The following SCAF8 variants were observed in gnomAD, a reference collection of about 807,000 sequenced individuals.
SCAF8 encodes SR-related CTD associated factor 8.
Under a neutral mutation model 140.5 loss-of-function variants are expected in SCAF8, and 23 were observed. That is an observed-to-expected ratio of 0.16 (90% CI 0.12 to 0.23). The LOEUF (loss-of-function observed/expected upper bound fraction) is 0.23, where lower values mean the gene tolerates loss of function less well. Among genes scored for constraint, SCAF8 ranks in the 10% least tolerant of loss-of-function variants. SCAF8 has a pLI of 1.00. For missense variants in SCAF8, 1,397 were observed against 1,555.7 expected (o/e 0.90, Z 1.72); for synonymous variants, 575 against 528.9 (o/e 1.09, Z -1.20).
intron 5 of SCAF8, among the ~76,000 whole-genome samples, chr6:154,793,969 G>A (rs936834619): frequency 4.0e-5 from 6 of 151,564 alleles, no homozygotes; most frequent in African/African-American, 1.2e-4. Context: ...TCACCCAGGC[G>A]GGTGTGCAGT....
intron 2 of SCAF8, among the ~76,000 whole-genome samples, chr6:154,774,844 T>C (rs543510057): frequency 2.5e-4 from 38 of 152,314 alleles, no homozygotes; most frequent in Non-Finnish European, 4.4e-4. Context: ...TAGAAACTTT[T>C]TGGCAAAAGG....
intron 17 of SCAF8, among the ~76,000 whole-genome samples, chr6:154,825,814 T>TA (rs1187927722): frequency 6.6e-6 from 1 of 152,006 alleles, no homozygotes; most frequent in East Asian, 1.9e-4. Flanking sequence ...GCGCACAGCC[T>TA]AAAAGCCCCA....
In SCAF8 at chr6:154,777,103, C is replaced by A. The variant is rs376340365; in HGVS notation, c.115-898C>A. 4.3e-4 allele frequency among the ~76,000 whole-genome samples: 65 copies of A among 152,170 alleles called. 1 individual carries two copies. In the South Asian group the frequency reaches 0.013, roughly 31 times the overall value. On this transcript the variant is annotated intron_variant, in intron 2 of 19. Coordinates refer to ENST00000367178, the MANE Select transcript of SCAF8 (RefSeq NM_014892.5). ...GGCTGAGGCAGGAGAATCGCTTGAA[C>A]CCGGGAGGCGAGGGTTGCAGTGAAC... is the stretch of plus-strand genomic sequence containing the variant.
At chr6:154,777,166 G>C (rs1336338934) in intron 2 of SCAF8, among the ~76,000 whole-genome samples, 1 of 151,930 alleles carries the variant, frequency 6.6e-6, no homozygotes, top group East Asian at 1.9e-4. Flanking sequence ...GGGTGACAGA[G>C]TGAGAGTGTG....
intron 3 of SCAF8, among the ~76,000 whole-genome samples, chr6:154,786,677 A>G (rs1474406620): frequency 4.6e-5 from 7 of 152,342 alleles, no homozygotes; most frequent in African/African-American, 1.7e-4. Context: ...GCTCGCTTTC[A>G]CTGTCATAAC....
intron 1 of SCAF8, among the ~76,000 whole-genome samples, chr6:154,768,682 A>G (rs759120172): frequency 1.3e-5 from 2 of 152,312 alleles, no homozygotes; most frequent in Non-Finnish European, 2.9e-5. Context: ...TGTTTTTTCA[A>G]TATTGCTAGG....
intron 7 of SCAF8, among the ~76,000 whole-genome samples, chr6:154,802,943 G>A (rs918453187): frequency 3.3e-5 from 5 of 152,086 alleles, no homozygotes; most frequent in Non-Finnish European, 7.4e-5. Flanking sequence ...AATCTTTCAT[G>A]TACAATTTAG....
intron 1 of SCAF8, among the ~76,000 whole-genome samples, chr6:154,748,441 A>G (rs535481706): frequency 1.3e-5 from 2 of 152,352 alleles, no homozygotes; most frequent in African/African-American, 4.8e-5. Context: ...TAAAAGCTCA[A>G]GAACTGTTTG....
chr6:154,830,881 A>C (rs371777378), intron 18 of SCAF8, 41 bp from the exon 19 acceptor site: 45 of 1,474,488 alleles, frequency 3.1e-5, no homozygotes, highest in Non-Finnish European at 4.1e-5. Flanking sequence ...ACATGAATTG[A>C]CTCATTAAAT....
In SCAF8 at chr6:154,822,427, GT is replaced by G. The variant is rs543052882; in HGVS notation, c.1926+28del. On this transcript the variant is annotated intron_variant, in intron 16 of 19. Transcript: ENST00000367178. ...TGTTGCAGGTTAGTGTTGAAGTGGG[GT>G]TTTTTTTTTCTTGTGTTGTTTTACA... 343 of 1,433,584 alleles carry G rather than the reference GT, an allele frequency of 2.4e-4. No homozygotes were observed. The highest frequency in any genetic ancestry group is 8.6e-4 in the South Asian group (63 of 73,464). 88.8% of individuals were successfully genotyped at this position (1,433,584 alleles called of 1,614,324 possible). A position where few individuals can be genotyped will look rare whatever the true frequency, so the allele number is the denominator to read the frequency against.
At chr6:154,790,489 A>ATTTTTTTTTTTTTTTTTTTTT (rs57095332) in intron 4 of SCAF8, among the ~76,000 whole-genome samples, 4 of 70,878 alleles carry the variant, frequency 5.6e-5, no homozygotes, top group Non-Finnish European at 7.9e-5. Context: ...ATTTAACAGA[A>ATTTTTTTTTTTTTTTTTTTTT]TTTTTTTTTT....
intron 8 of SCAF8, 27 bp from the exon 9 acceptor site, chr6:154,805,340 AAT>A (rs1308135539): frequency 2.2e-6 from 3 of 1,347,312 alleles, no homozygotes; most frequent in East Asian, 4.6e-5. Context: ...TGGGTTTTAA[AAT>A]ATGTTTCCAC....
chr6:154,770,382 A>ACG (rs1368679006), intron 1 of SCAF8, among the ~76,000 whole-genome samples: 1 of 138,328 alleles, frequency 7.2e-6, no homozygotes, highest in Non-Finnish European at 1.5e-5. Context: ...ACACACACAC[A>ACG]CACACACTCT....
intron 1 of SCAF8, among the ~76,000 whole-genome samples, chr6:154,741,699 G>A (rs756299742): frequency 1.4e-4 from 21 of 152,088 alleles, no homozygotes; most frequent in Non-Finnish European, 2.5e-4. Flanking sequence ...GAGCCACCGC[G>A]CCCGGCCCGT....
At chr6:154,816,381 C>T (rs1030474363) in intron 13 of SCAF8, among the ~76,000 whole-genome samples, 1 of 152,216 alleles carries the variant, frequency 6.6e-6, no homozygotes, top group Non-Finnish European at 1.5e-5. Flanking sequence ...TTGATTCTTG[C>T]ACTAGTTTTG....
intron 6 of SCAF8, among the ~76,000 whole-genome samples, chr6:154,796,389 C>CTCTGTCTGTCTCTCTCTGTCTGTCTG (rs1554261842): frequency 7.1e-6 from 1 of 140,968 alleles, no homozygotes; most frequent in African/African-American, 2.8e-5. Flanking sequence ...CTCTCTCTCT[C>CTCTGTCTGTCTCTCTCTGTCTGTCTG]TCTGTCTCTC....
At chr6:154,734,024 T>G (rs1404947566) in intron 1 of SCAF8, 94 bp downstream of exon 1, 6 of 1,416,384 alleles carry the variant, frequency 4.2e-6, no homozygotes, top group Admixed American at 3.1e-5. Flanking sequence ...GGCCTGCGGG[T>G]TTTTTAAGGG....
intron 17 of SCAF8, 132 bp from the exon 18 acceptor site, chr6:154,827,039 GA>G: frequency 1.4e-6 from 1 of 710,024 alleles, no homozygotes; most frequent in Non-Finnish European, 2.2e-6. Flanking sequence ...TTCTAAAATA[GA>G]AAAAATATAT....
chr6:154,745,428 C>T (rs145769567), intron 1 of SCAF8, among the ~76,000 whole-genome samples: 1 of 152,190 alleles, frequency 6.6e-6, no homozygotes, highest in Admixed American at 6.5e-5. Flanking sequence ...GGTTTGAGTG[C>T]AGTGGTGTGA....
Sources: allele counts gnomAD v4.1 joint callset (sites outside exome capture counted in the v4.1 genomes callset), GRCh38; gene constraint gnomAD v4.1.1; transcripts MANE v1.5; gene names NCBI Gene and HGNC (gene_info 2026-07-23, HGNC 2026-07-21).